The following DPP10 variants were observed in gnomAD, a reference collection of about 807,000 sequenced individuals.
DPP10 encodes the protein inactive dipeptidyl peptidase 10.
A neutral mutation model predicts 120.9 loss-of-function variants in DPP10; 33 were observed. That is an observed-to-expected ratio of 0.27 (90% CI 0.21 to 0.37). The LOEUF (loss-of-function observed/expected upper bound fraction) is 0.37. DPP10 is among the 10% of genes least tolerant of loss of function. The pLI, the probability that DPP10 is intolerant of heterozygous loss-of-function variation, is 1.00. For missense variants in DPP10, 816 were observed against 942.8 expected, an observed-to-expected ratio of 0.87 and a Z score of 1.76; for synonymous variants, 337 against 326.1, an observed-to-expected ratio of 1.03 and a Z score of -0.36.
intron 5 of DPP10, among the ~76,000 whole-genome samples, chr2:115,592,978 C>CTT (rs1022634401): frequency 4.6e-5 from 7 of 152,008 alleles, no homozygotes; most frequent in Non-Finnish European, 1.0e-4. Context: ...TACTTTGAAA[C>CTT]TTAAAACAAT....
At chr2:114,465,276 G>A (rs1187675871) in intron 1 of DPP10, among the ~76,000 whole-genome samples, 1 of 152,292 alleles carries the variant, frequency 6.6e-6, no homozygotes, top group Admixed American at 6.5e-5. Flanking sequence ...AGGGCCTGAC[G>A]GAGTGTAGCA....
intron 5 of DPP10, among the ~76,000 whole-genome samples, chr2:115,674,345 G>A (rs1423522473): frequency 6.6e-6 from 1 of 150,774 alleles, no homozygotes; most frequent in Non-Finnish European, 1.5e-5. Flanking sequence ...AGCACAAGTG[G>A]GCACAGAAAT....
At chr2:115,000,386 C>T (rs1224459701) in intron 1 of DPP10, among the ~76,000 whole-genome samples, 8 of 152,064 alleles carry the variant, frequency 5.3e-5, no homozygotes, top group East Asian at 1.9e-4. Context: ...TTTTCTTTTC[C>T]GGGAGTCAAT....
intron 1 of DPP10, among the ~76,000 whole-genome samples, chr2:114,764,305 T>G (rs1356051947): frequency 6.9e-6 from 1 of 144,194 alleles, no homozygotes; most frequent in Non-Finnish European, 1.5e-5. Context: ...TTTTTTATCA[T>G]GTTTCTGTTA....
At chr2:114,938,266 A>C (rs1472924435) in intron 1 of DPP10, among the ~76,000 whole-genome samples, 1 of 152,192 alleles carries the variant, frequency 6.6e-6, no homozygotes, top group African/African-American at 2.4e-5. Flanking sequence ...TTTTTCTAAA[A>C]TATGATATTA....
intron 1 of DPP10, among the ~76,000 whole-genome samples, chr2:114,922,352 A>C (rs1387760673): frequency 5.3e-5 from 8 of 152,162 alleles, no homozygotes; most frequent in Admixed American, 5.2e-4. Context: ...TCACTCTGTC[A>C]CTCAGGCTGG....
chr2:114,685,091 A>C (rs1003388046), intron 1 of DPP10, among the ~76,000 whole-genome samples: 2 of 151,852 alleles, frequency 1.3e-5, no homozygotes, highest in Admixed American at 6.6e-5. Context: ...CCCTCTTTCC[A>C]GATATCCTCA....
At chr2:115,544,031 A>C (rs1048346571) in intron 5 of DPP10, among the ~76,000 whole-genome samples, 3 of 151,940 alleles carry the variant, frequency 2.0e-5, no homozygotes, top group Non-Finnish European at 2.9e-5. Context: ...CAGGTAAGGA[A>C]AATAATTAAA....
intron 3 of DPP10, among the ~76,000 whole-genome samples, chr2:115,390,498 T>C (rs1483371110): frequency 1.3e-5 from 2 of 152,174 alleles, no homozygotes; most frequent in Admixed American, 6.6e-5. Flanking sequence ...TCTTGCTCTT[T>C]TTTTTATTGC....
intron 5 of DPP10, among the ~76,000 whole-genome samples, chr2:115,677,841 C>G (rs151059350): frequency 6.6e-6 from 1 of 152,274 alleles, no homozygotes; most frequent in Non-Finnish European, 1.5e-5. Context: ...TAACGCCTGA[C>G]TCTAAGCATG....
intron 1 of DPP10, among the ~76,000 whole-genome samples, chr2:115,195,655 G>A (rs776845671): frequency 6.6e-5 from 10 of 151,992 alleles, no homozygotes; most frequent in Admixed American, 2.0e-4. Context: ...TTTAGATAAC[G>A]AACCAAACTT....
At chr2:115,146,007 A>T (rs2051203971) in intron 1 of DPP10, among the ~76,000 whole-genome samples, 2 of 152,114 alleles carry the variant, frequency 1.3e-5, no homozygotes, top group African/African-American at 4.8e-5. Context: ...TATGCAGAGT[A>T]CTTTTCATAT....
chr2:114,793,731 T>A (rs558294222), intron 1 of DPP10, among the ~76,000 whole-genome samples: 1 of 152,228 alleles, frequency 6.6e-6, no homozygotes, highest in African/African-American at 2.4e-5. Context: ...TAACAAGATA[T>A]CCCCTAAAAT....
At chr2:115,050,051 G>T (rs1559035205) in intron 1 of DPP10, 1 of 152,138 alleles carries the variant, frequency 6.6e-6, no homozygotes, top group Non-Finnish European at 1.5e-5. Flanking sequence ...AGGGCAAAAA[G>T]GGCAGAGTAG....
In DPP10 at chr2:115,780,940, A is replaced by C. The variant is rs768617009; in HGVS notation, c.1428A>C (p.Thr476=). 3.9e-5 allele frequency: 62 copies of C among 1,604,366 alleles called. No individual in the cohort carries two copies. The highest frequency in any genetic ancestry group is 3.5e-5 in the Non-Finnish European group (41 of 1,173,396). The change falls in exon 16 of 26, where the codon ACA becomes ACC. Residue 476 remains threonine (T), a synonymous_variant. Coordinates refer to ENST00000410059, the MANE Select transcript of DPP10 (RefSeq NM_020868.6). ...ISCNFMKEQC[T]YFDASFSPMN... is the part of the protein sequence containing the mutation. ...GTAATTTCATGAAAGAACAATGTAC[A>C]TATTTTGATGCCAGTTTTAGTCCCA...
chr2:114,856,811 A>C (rs903903369), intron 1 of DPP10, among the ~76,000 whole-genome samples: 3 of 152,158 alleles, frequency 2.0e-5, no homozygotes, highest in Non-Finnish European at 4.4e-5. Context: ...GTTATAACTC[A>C]CCTAGCTATA....
chr2:115,202,659 T>A (rs950454070), intron 1 of DPP10, among the ~76,000 whole-genome samples: 4 of 152,210 alleles, frequency 2.6e-5, no homozygotes, highest in Admixed American at 6.5e-5. Context: ...TATTTTTGAA[T>A]TCTAGAGCAG....
chr2:115,745,048 A>G (rs969369860), intron 9 of DPP10, among the ~76,000 whole-genome samples: 16 of 150,288 alleles, frequency 1.1e-4, no homozygotes, highest in African/African-American at 3.9e-4. Flanking sequence ...TGATGGGGTT[A>G]TTCATTTATT....
chr2:115,738,099 A>G (rs1316366954), intron 8 of DPP10, among the ~76,000 whole-genome samples: 2 of 152,186 alleles, frequency 1.3e-5, no homozygotes, highest in Non-Finnish European at 2.9e-5. Flanking sequence ...CTTTTGTCCA[A>G]ACATTCTTAT....
Sources: allele counts gnomAD v4.1 joint callset (sites outside exome capture counted in the v4.1 genomes callset), GRCh38; gene constraint gnomAD v4.1.1; transcripts MANE v1.5; gene names NCBI Gene and HGNC (gene_info 2026-07-23, HGNC 2026-07-21).